PNPLA4: variants seen among roughly 807,000 people sequenced by gnomAD.
The protein encoded by PNPLA4 is patatin-like phospholipase domain-containing protein 4.
In PNPLA4, 15 loss-of-function variants were observed where a neutral mutation model predicts 18.3. That is an observed-to-expected ratio of 0.82 (90% CI 0.55 to 1.26). The LOEUF is 1.26. PNPLA4 is among the 50% of genes most tolerant of loss of function. PNPLA4 has a pLI of 0.00. For synonymous variants in PNPLA4, 88 were observed against 85.6 expected, an observed-to-expected ratio of 1.03 and a Z score of -0.16; for missense variants, 229 against 196.8, an observed-to-expected ratio of 1.16 and a Z score of -0.98.
chrX:7,909,581 T>C (rs922376271), intron 5 of PNPLA4, among the ~76,000 whole-genome samples: 2 of 110,186 alleles, frequency 1.8e-5, no homozygotes, highest in East Asian at 5.7e-4. Flanking sequence ...AAAGTTTTAC[T>C]TCTTTTTTCT....
intron 5 of PNPLA4, among the ~76,000 whole-genome samples, chrX:7,910,956 TGTTA>T (rs1229164440): frequency 9.0e-6 from 1 of 111,298 alleles, no homozygotes; most frequent in African/African-American, 3.3e-5. Flanking sequence ...CTCTAGTAAT[TGTTA>T]GATAACTGAT....
At chrX:7,911,607 C>A (rs1291022165) in intron 5 of PNPLA4, among the ~76,000 whole-genome samples, 4 of 110,913 alleles carry the variant, frequency 3.6e-5, no homozygotes, top group Non-Finnish European at 7.6e-5. Context: ...AGTGGGTCGT[C>A]CCCTAGCAGA....
intron 4 of PNPLA4, among the ~76,000 whole-genome samples, chrX:7,915,260 C>T (rs139330828): frequency 0.012 from 1,079 of 90,156 alleles, 7 homozygotes; most frequent in Middle Eastern, 0.035. Context: ...TGATTTTACC[C>T]GCTAGGGACA....
At chrX:7,908,023 G>T (rs1225691880) in intron 5 of PNPLA4, among the ~76,000 whole-genome samples, 6 of 110,645 alleles carry the variant, frequency 5.4e-5, no homozygotes, top group African/African-American at 2.0e-4. Context: ...ACTGGTATTT[G>T]CTGTGGTTGA....
At chrX:7,915,285 T>C (rs1312103319) in intron 4 of PNPLA4, among the ~76,000 whole-genome samples, 2 of 54,670 alleles carry the variant, frequency 3.7e-5, no homozygotes, top group Non-Finnish European at 6.2e-5. Context: ...GCAATGTGTC[T>C]GTCATAACCT....
At chrX:7,922,876 G>C (rs1924275229) in intron 2 of PNPLA4, among the ~76,000 whole-genome samples, 1 of 112,106 alleles carries the variant, frequency 8.9e-6, no homozygotes. Context: ...GAGAGGACAA[G>C]ATACAAAGAC....
Position 7,923,966 on chromosome X carries a change from G to T in PNPLA4, c.181-1868C>A, listed in dbSNP as rs745391803. On this transcript the variant is annotated intron_variant, in intron 2 of 6. Coordinates refer to ENST00000381042, the MANE Select transcript of PNPLA4 (RefSeq NM_004650.3). ...TGGGAAGCTCCTGGGTGAGAAATGG[G>T]GGTAGCCCCACCAAATGTATGTTCA... Among the ~76,000 whole-genome samples, 362 of 111,489 alleles carry T rather than the reference G, an allele frequency of 3.2e-3. 2 individuals carry two copies. Among genetic ancestry groups the T allele is most frequent in the African/African-American group, 0.012 (354 of 30,675 alleles).
chrX:7,915,619 C>T (rs778361773), intron 4 of PNPLA4, among the ~76,000 whole-genome samples: 4 of 111,855 alleles, frequency 3.6e-5, no homozygotes, highest in South Asian at 7.4e-4. Flanking sequence ...TATAAAACAT[C>T]GCCAGGTGCG....
At chrX:7,914,315 G>A (rs1407073765) in intron 4 of PNPLA4, among the ~76,000 whole-genome samples, 6 of 111,742 alleles carry the variant, frequency 5.4e-5, no homozygotes, top group African/African-American at 2.0e-4. Flanking sequence ...GTGATTTGGT[G>A]AAGATCGCTT....
At chrX:7,919,763 C>T (rs1924153930) in intron 4 of PNPLA4, among the ~76,000 whole-genome samples, 1 of 111,531 alleles carries the variant, frequency 9.0e-6, no homozygotes, top group African/African-American at 3.3e-5. Context: ...GCATTTTATC[C>T]AGTGTGGGGT....
At chrX:7,918,124 TTCTC>T (rs1174947551) in intron 4 of PNPLA4, among the ~76,000 whole-genome samples, 1 of 111,947 alleles carries the variant, frequency 8.9e-6, no homozygotes, top group Non-Finnish European at 1.9e-5. Context: ...ACCTCTCTCT[TTCTC>T]TCTGTCTCCC....
rs2240583 is a variant in PNPLA4, at chrX:7,916,059, G to A, written c.412-3966C>T. On this transcript the variant is annotated intron_variant, in intron 4 of 6. Coordinates refer to ENST00000381042, the MANE Select transcript of PNPLA4 (RefSeq NM_004650.3). Reference sequence around the variant, plus strand: ...TACCTCTACCCTAGAGCATTCACACGTGTCAAAAGACCCTTTCGGAAAACA... The same window carrying A: ...TACCTCTACCCTAGAGCATTCACACATGTCAAAAGACCCTTTCGGAAAACA... Among the ~76,000 whole-genome samples, 276 of 111,559 alleles carry A rather than the reference G, an allele frequency of 2.5e-3. 7 individuals carry two copies. In the East Asian group the frequency reaches 0.062, roughly 25 times the overall value.
At chrX:7,914,407 T>C (rs1923972251) in intron 4 of PNPLA4, among the ~76,000 whole-genome samples, 1 of 111,753 alleles carries the variant, frequency 8.9e-6, no homozygotes, top group Non-Finnish European at 1.9e-5. Context: ...AATGACATCA[T>C]TGGCTTCAGA....
intron 2 of PNPLA4, among the ~76,000 whole-genome samples, chrX:7,924,824 A>G (rs1486780320): frequency 8.9e-6 from 1 of 112,310 alleles, no homozygotes; most frequent in Non-Finnish European, 1.9e-5. Context: ...AACCAAGTCT[A>G]CATAACTCCA....
At chrX:7,913,807 T>C (rs1232827157) in intron 4 of PNPLA4, among the ~76,000 whole-genome samples, 1 of 112,724 alleles carries the variant, frequency 8.9e-6, no homozygotes, top group Non-Finnish European at 1.9e-5. Flanking sequence ...GCCTCAAATA[T>C]AGTGTCTCAT....
At position 7,902,074 on chromosome X, in the gene PNPLA4, G is replaced by T. The variant is rs758400417; in HGVS notation, c.545C>A (p.Ser182Tyr). Residue 182 changes from serine to tyrosine, a missense_variant, in exon 6 of 7, where the codon TCC (serine) becomes TAC (tyrosine). Ser to Tyr is a moderately radical substitution (Grantham distance 144). Transcript: ENST00000381042. ...GATGTCCAGTCGTCCACTGAAGGGG[G>T]AGATGGTTACTGTCCGGCCGACGGG... is the stretch of plus-strand genomic sequence containing the variant. Reference protein sequence around the residue: ...ILPVGRTVTISPFSGRLDISP... With the variant: ...ILPVGRTVTIYPFSGRLDISP... 9.9e-6 allele frequency: 12 copies of T among 1,207,243 alleles called. No homozygotes were observed. Among genetic ancestry groups the T allele is most frequent in the African/African-American group, 5.3e-5 (3 of 56,979 alleles).
Position 7,926,102 on chromosome X carries a change from T to C in PNPLA4, c.18A>G (p.Leu6=), listed in dbSNP as rs750196496. 1.7e-6 allele frequency: 2 copies of C among 1,207,833 alleles called. No homozygotes were observed. Among genetic ancestry groups the C allele is most frequent in the Admixed American group, 2.2e-5 (1 of 45,587 alleles). Residue 6 remains leucine (L), a synonymous_variant, in exon 2 of 7, where the codon CTA becomes CTG. Coordinates refer to ENST00000381042, the MANE Select transcript of PNPLA4 (RefSeq NM_004650.3). ...CCAGAAATCCACACGCTGCAAATGA[T>C]AGGTTGATGTGCTTCATTCTAGCTG... MKHIN[L]SFAACGFLGI... is the part of the protein sequence containing the mutation.
intron 2 of PNPLA4, among the ~76,000 whole-genome samples, chrX:7,924,210 G>A (rs1012829685): frequency 4.5e-5 from 5 of 111,688 alleles, no homozygotes; most frequent in African/African-American, 1.6e-4. Context: ...GTCTAAATTT[G>A]CCTACCACTT....
chrX:7,924,346 G>A (rs1318234262), intron 2 of PNPLA4, among the ~76,000 whole-genome samples: 7 of 111,542 alleles, frequency 6.3e-5, no homozygotes, highest in African/African-American at 1.6e-4. Flanking sequence ...AGAACCGAGC[G>A]AACACGAATC....
Sources: gnomAD v4.1 joint callset for allele counts (sites outside exome capture counted in the v4.1 genomes callset) on GRCh38, gnomAD v4.1.1 for gene constraint, MANE v1.5 for transcripts, NCBI Gene and HGNC (gene_info 2026-07-23, HGNC 2026-07-21) for gene names.